The following IFT43 variants were observed in gnomAD, a reference collection of about 807,000 sequenced individuals.
IFT43 encodes the protein intraflagellar transport 43.
A neutral mutation model predicts 32.3 loss-of-function variants in IFT43; 33 were observed. The observed-to-expected ratio is 1.02, with a 90% CI of 0.77 to 1.37. The LOEUF (loss-of-function observed/expected upper bound fraction) is 1.37, where lower values mean the gene tolerates loss of function less well. IFT43 is among the 40% of genes most tolerant of loss of function. The pLI is 0.00. For missense variants in IFT43, 274 were observed against 265.9 expected, an observed-to-expected ratio of 1.03 and a Z score of -0.21; for synonymous variants, 93 against 98.2, an observed-to-expected ratio of 0.95 and a Z score of 0.31.
intron 2 of IFT43, among the ~76,000 whole-genome samples, chr14:76,001,042 T>A (rs1365340527): frequency 1.3e-5 from 2 of 152,200 alleles, no homozygotes; most frequent in Non-Finnish European, 2.9e-5. Flanking sequence ...ATGAAGAACC[T>A]ATAGCATGAA....
intron 1 of IFT43, among the ~76,000 whole-genome samples, chr14:75,987,550 G>C (rs905488612): frequency 1.3e-5 from 2 of 152,092 alleles, no homozygotes; most frequent in African/African-American, 2.4e-5. Context: ...ACCTTCCTAG[G>C]CCTCAGTTTC....
rs564661378 is a variant in IFT43 at position 76,079,137 on chromosome 14, A to G, written c.296-3158A>G. Reference sequence around the variant, plus strand: ...CGTCTTTGAAGGCATTTCACTTTTGAGAAGAAAGCCCATGTGGGGCATGGC... The same window carrying G: ...CGTCTTTGAAGGCATTTCACTTTTGGGAAGAAAGCCCATGTGGGGCATGGC... On this transcript the variant is annotated intron_variant, in intron 5 of 8. Coordinates refer to ENST00000314067, the MANE Select transcript of IFT43 (RefSeq NM_001102564.3). Among the ~76,000 whole-genome samples the G allele has an allele frequency of 9.2e-5, 14 of 152,294 alleles. No individual in the cohort carries two copies. In the South Asian group the frequency reaches 1.0e-3, roughly 11 times the overall value.
chr14:76,044,358 G>A (rs975448670), intron 3 of IFT43, among the ~76,000 whole-genome samples: 2 of 152,112 alleles, frequency 1.3e-5, no homozygotes, highest in African/African-American at 4.8e-5. Context: ...TATTTTAAAG[G>A]ATGCAAATGA....
At chr14:76,083,985 C>T (rs967653374), downstream of IFT43, 5 of 458,640 alleles carry the variant, frequency 1.1e-5, no homozygotes, top group Non-Finnish European at 1.7e-5. Flanking sequence ...TGCTCTGGGC[C>T]CTTTGTGACC....
chr14:76,043,386 G>A (rs1316604676), intron 3 of IFT43, among the ~76,000 whole-genome samples: 2 of 152,164 alleles, frequency 1.3e-5, no homozygotes, highest in South Asian at 2.1e-4. Context: ...GCAGGGCCTG[G>A]AACTCCAGGC....
At chr14:76,065,733 A>G (rs1257583999) in intron 5 of IFT43, among the ~76,000 whole-genome samples, 1 of 152,096 alleles carries the variant, frequency 6.6e-6, no homozygotes, top group Non-Finnish European at 1.5e-5. Context: ...ATACCACAGT[A>G]TGTTCAGTTG....
chr14:76,042,391 T>C (rs551059961), intron 3 of IFT43, among the ~76,000 whole-genome samples: 30 of 152,320 alleles, frequency 2.0e-4, no homozygotes, highest in Non-Finnish European at 3.8e-4. Flanking sequence ...CCTTCTGTTT[T>C]TATGCCCCTT....
chr14:76,072,523 A>G (rs1161912200), intron 5 of IFT43, among the ~76,000 whole-genome samples: 32 of 152,234 alleles, frequency 2.1e-4, no homozygotes, highest in Admixed American at 2.1e-3. Flanking sequence ...TTTCCTTGTT[A>G]TGTGAGCAGC....
chr14:76,007,894 A>G (rs1397731581), intron 2 of IFT43, among the ~76,000 whole-genome samples: 1 of 152,218 alleles, frequency 6.6e-6, no homozygotes, highest in Non-Finnish European at 1.5e-5. Context: ...ATGCCATCCA[A>G]GGTGGGAAAG....
chr14:76,069,612 A>G (rs1203759625), intron 5 of IFT43, among the ~76,000 whole-genome samples: 1 of 152,246 alleles, frequency 6.6e-6, no homozygotes, highest in African/African-American at 2.4e-5. Context: ...TTCAGGTGGA[A>G]TAATCTCTAA....
chr14:76,023,048 T>C (rs1566712360), intron 3 of IFT43, among the ~76,000 whole-genome samples: 1 of 152,338 alleles, frequency 6.6e-6, no homozygotes, highest in Non-Finnish European at 1.5e-5. Flanking sequence ...CCAGAGCTCC[T>C]GGGAAGGCTG....
chr14:76,000,473 C>A (rs920784066), intron 2 of IFT43, among the ~76,000 whole-genome samples: 1 of 151,822 alleles, frequency 6.6e-6, no homozygotes, highest in South Asian at 2.1e-4. Flanking sequence ...GGGGTTTCAC[C>A]GTGTTCGCCA....
chr14:76,077,410 T>C (rs2037430884), intron 5 of IFT43, among the ~76,000 whole-genome samples: 1 of 152,348 alleles, frequency 6.6e-6, no homozygotes, highest in African/African-American at 2.4e-5. Flanking sequence ...ATGGCTCTTC[T>C]GTGTGTGTCA....
chr14:76,044,664 C>A (rs769182309), intron 3 of IFT43, among the ~76,000 whole-genome samples: 2 of 152,198 alleles, frequency 1.3e-5, no homozygotes, highest in Non-Finnish European at 2.9e-5. Context: ...TCCCCCCATT[C>A]ATCTATCTCC....
chr14:76,045,610 T>G (rs760188027), intron 3 of IFT43, among the ~76,000 whole-genome samples: 4 of 152,178 alleles, frequency 2.6e-5, no homozygotes, highest in Admixed American at 6.5e-5. Context: ...CTCTTTCCCT[T>G]TCTGCCCCAC....
At chr14:75,991,816 A>G (rs994189699) in intron 2 of IFT43, among the ~76,000 whole-genome samples, 1 of 152,164 alleles carries the variant, frequency 6.6e-6, no homozygotes, top group African/African-American at 2.4e-5. Context: ...GCAAGATGCC[A>G]GTTAGGATTC....
At chr14:75,991,400 T>TATATTAACAA (rs372002286) in intron 2 of IFT43, among the ~76,000 whole-genome samples, 1 of 140,996 alleles carries the variant, frequency 7.1e-6, no homozygotes, top group African/African-American at 2.8e-5. Context: ...TGTGTGTGTG[T>TATATTAACAA]GTGTGTGTGT....
chr14:75,999,077 C>G (rs2035800638), intron 2 of IFT43, among the ~76,000 whole-genome samples: 1 of 143,114 alleles, frequency 7.0e-6, no homozygotes, highest in East Asian at 2.0e-4. Context: ...TGAGCTTCCT[C>G]TGTTTTATCT....
At chr14:76,068,109 T>C (rs1208254556) in intron 5 of IFT43, among the ~76,000 whole-genome samples, 2 of 152,224 alleles carry the variant, frequency 1.3e-5, no homozygotes, top group Non-Finnish European at 2.9e-5. Context: ...TGGTCATTCC[T>C]GTGTTAGTGG....
Sources: gnomAD v4.1 joint callset for allele counts (sites outside exome capture counted in the v4.1 genomes callset) on GRCh38, gnomAD v4.1.1 for gene constraint, MANE v1.5 for transcripts, NCBI Gene and HGNC (gene_info 2026-07-23, HGNC 2026-07-21) for gene names.